The following WDR44 variants were observed in gnomAD, a reference collection of about 807,000 sequenced individuals.
WDR44 encodes the protein WD repeat domain 44, also known as WD repeat-containing protein 44.
Under a neutral mutation model 65.7 loss-of-function variants are expected in WDR44, and 9 were observed. The ratio of observed to expected loss-of-function variants is 0.14; its 90% CI spans 0.08 to 0.24. The LOEUF (loss-of-function observed/expected upper bound fraction) is 0.24, where lower values mean the gene tolerates loss of function less well. Ranked by LOEUF, WDR44 falls within the 10% of genes least tolerant of loss-of-function variation. The pLI is 1.00. For synonymous variants in WDR44, 220 were observed against 235.2 expected, an observed-to-expected ratio of 0.94 and a Z score of 0.59; for missense variants, 425 against 670.9, an observed-to-expected ratio of 0.63 and a Z score of 4.05.
chrX:118,433,266 T>C (rs1012137409), intron 13 of WDR44, among the ~76,000 whole-genome samples: 3 of 111,918 alleles, frequency 2.7e-5, no homozygotes, highest in African/African-American at 6.5e-5. Flanking sequence ...AACCTTTCTC[T>C]AGCATTTGAT....
At chrX:118,407,502 CAAA>C (rs11423108) in intron 10 of WDR44, among the ~76,000 whole-genome samples, 3 of 56,945 alleles carry the variant, frequency 5.3e-5, no homozygotes, top group Non-Finnish European at 3.6e-5. Context: ...AACTCCGTCT[CAAA>C]AAAAAAAAAA....
rs572987053 is a variant in WDR44 at position 118,369,305 on chromosome X, G to T, written c.78-9114G>T. ...TCCTGCCTCAGCCTCCCGACTAGCT[G>T]GGACTATAGGCACCCGCCACCATGC... On this transcript the variant is annotated intron_variant, in intron 1 of 19. Coordinates refer to ENST00000254029, the MANE Select transcript of WDR44 (RefSeq NM_019045.5). 1.7e-4 allele frequency among the ~76,000 whole-genome samples: 18 copies of T among 106,366 alleles called. No individual in the cohort carries two copies. The South Asian group carries it at 7.7e-3, about 45-fold the overall frequency. 92.4% of individuals were successfully genotyped at this position (106,366 alleles called of 115,157 possible).
At chrX:118,428,192 G>A (rs2057175382) in intron 12 of WDR44, among the ~76,000 whole-genome samples, 1 of 109,821 alleles carries the variant, frequency 9.1e-6, no homozygotes, top group Non-Finnish European at 1.9e-5. Flanking sequence ...GGAGGCTGAG[G>A]CATGAGAATC....
At chrX:118,413,904 G>A (rs2057032365) in intron 12 of WDR44, among the ~76,000 whole-genome samples, 1 of 111,601 alleles carries the variant, frequency 9.0e-6, no homozygotes, top group South Asian at 3.8e-4. Flanking sequence ...CACGTGGCTA[G>A]CCAGTTATCT....
intron 1 of WDR44, among the ~76,000 whole-genome samples, chrX:118,361,625 G>A (rs867043708): frequency 1.8e-5 from 2 of 111,218 alleles, no homozygotes; most frequent in Middle Eastern, 9.3e-3. Context: ...ATGTGGTGGT[G>A]CATGCCTGTA....
At chrX:118,396,916 G>T (rs1292542841) in intron 6 of WDR44, 54 bp from the exon 7 acceptor site, 12 of 1,114,278 alleles carry the variant, frequency 1.1e-5, no homozygotes, top group Non-Finnish European at 1.4e-5. Context: ...GACTCAAAAA[G>T]ATAATTAAAT....
intron 3 of WDR44, among the ~76,000 whole-genome samples, chrX:118,390,478 T>C (rs2056810513): frequency 8.9e-6 from 1 of 111,831 alleles, no homozygotes; most frequent in Non-Finnish European, 1.9e-5. Context: ...ATTTGTATTA[T>C]AGTTCATACT....
intron 12 of WDR44, among the ~76,000 whole-genome samples, chrX:118,423,653 A>T (rs774566732): frequency 2.7e-5 from 3 of 112,123 alleles, no homozygotes; most frequent in African/African-American, 9.7e-5. Context: ...TTTATTAAGT[A>T]TACGATACAG....
chrX:118,366,168 G>GA (rs59737207), intron 1 of WDR44, among the ~76,000 whole-genome samples: 1 of 111,053 alleles, frequency 9.0e-6, no homozygotes, highest in African/African-American at 3.3e-5. Flanking sequence ...AATCTTAATA[G>GA]AAAAAAAAGT....
chrX:118,351,117 T>C (rs1245465658), intron 1 of WDR44, among the ~76,000 whole-genome samples: 1 of 112,560 alleles, frequency 8.9e-6, no homozygotes, highest in Non-Finnish European at 1.9e-5. Context: ...TGAACTATTT[T>C]AGAATCCTAA....
chrX:118,407,382 T>A (rs188620358), intron 10 of WDR44, among the ~76,000 whole-genome samples: 1 of 109,943 alleles, frequency 9.1e-6, no homozygotes, highest in Non-Finnish European at 1.9e-5. Flanking sequence ...GTGCCTGTAA[T>A]CCCAGCTACT....
chrX:118,440,232 A>G (rs1321306518), intron 14 of WDR44, among the ~76,000 whole-genome samples: 1 of 110,835 alleles, frequency 9.0e-6, no homozygotes, highest in African/African-American at 3.3e-5. Context: ...TCCTAGTACT[A>G]TTGACATTCT....
chrX:118,363,326 G>A lies in WDR44; in HGVS notation c.78-15093G>A, dbSNP rs185046027. Among the ~76,000 whole-genome samples, 72 of 104,693 alleles carry A rather than the reference G, an allele frequency of 6.9e-4. No homozygotes were observed. The East Asian group carries it at 8.0e-3, about 12-fold the overall frequency. The allele number at this position is 104,693 out of a possible 115,157, so 90.9% of individuals were successfully genotyped here. A position where few individuals can be genotyped will look rare whatever the true frequency, so the allele number is the denominator to read the frequency against. On this transcript the variant is annotated intron_variant, in intron 1 of 19. Transcript: ENST00000254029. ...CTGAGGCAGGAGAATTGCTTGAACC[G>A]GGAGGTGGAGGTTGCAGTGAGCCAA... is the stretch of plus-strand genomic sequence containing the variant.
chrX:118,381,718 G>A (rs963957807), intron 2 of WDR44, among the ~76,000 whole-genome samples: 9 of 105,605 alleles, frequency 8.5e-5, no homozygotes, highest in Non-Finnish European at 1.2e-4. Context: ...GATTATAGGC[G>A]CCCGCCACCA....
At chrX:118,381,692 C>T (rs1286023295) in intron 2 of WDR44, among the ~76,000 whole-genome samples, 1 of 105,315 alleles carries the variant, frequency 9.5e-6, no homozygotes, top group Admixed American at 1.0e-4. Flanking sequence ...CCTGCCTCAG[C>T]CTCCCAAGTA....
chrX:118,443,005 C>T lies in WDR44; in HGVS notation c.2384+325C>T, dbSNP rs1281366791. 3.6e-5 allele frequency among the ~76,000 whole-genome samples: 4 copies of T among 111,021 alleles called. No homozygotes were observed. In the East Asian group the frequency reaches 1.1e-3, roughly 31 times the overall value. ...CGCTTTTAAGAGGGGGCTTACGGCT[C>T]ATCCCGCCACTCCCCTCCCTGCCCC... On this transcript the variant is annotated intron_variant, in intron 17 of 19. Transcript: ENST00000254029.
chrX:118,378,916 G>A (rs1303220806), intron 2 of WDR44, among the ~76,000 whole-genome samples: 1 of 107,296 alleles, frequency 9.3e-6, no homozygotes, highest in African/African-American at 3.4e-5. Flanking sequence ...TGGTGGCGCA[G>A]ACCTGTATTC....
intron 1 of WDR44, among the ~76,000 whole-genome samples, chrX:118,377,913 AGACAGGGTCTCACTCCGTT>A (rs1238201352): frequency 2.8e-5 from 3 of 109,081 alleles, no homozygotes; most frequent in Non-Finnish European, 5.7e-5. Context: ...TTATTTGTAG[AGACAGGGTCTCACTCCGTT>A]GACCAGACTG....
intron 9 of WDR44, 65 bp from the exon 10 acceptor site, chrX:118,406,810 A>G: frequency 9.6e-7 from 1 of 1,043,445 alleles, no homozygotes; most frequent in South Asian, 2.9e-5. Flanking sequence ...TGCAGGAAAT[A>G]TGAAATTATG....
Sources: allele counts gnomAD v4.1 joint callset (sites outside exome capture counted in the v4.1 genomes callset), GRCh38; gene constraint gnomAD v4.1.1; transcripts MANE v1.5; gene names NCBI Gene and HGNC (gene_info 2026-07-23, HGNC 2026-07-21).